SNTB1: variants seen among roughly 807,000 people sequenced by gnomAD.
The protein encoded by SNTB1 is syntrophin beta 1, also known as beta-1-syntrophin.
Under a neutral mutation model 48.9 loss-of-function variants are expected in SNTB1, and 36 were observed. That is an observed-to-expected ratio of 0.74 (90% CI 0.56 to 0.97). SNTB1 has a LOEUF of 0.97. Ranked by LOEUF, SNTB1 falls within the 50% of genes least tolerant of loss-of-function variation. SNTB1 has a pLI of 0.00. For missense variants in SNTB1, 786 were observed against 703.4 expected (o/e 1.12, Z -1.33); for synonymous variants, 299 against 294.6 (o/e 1.01, Z -0.15).
At chr8:120,748,038 G>T (rs1819155927) in intron 1 of SNTB1, among the ~76,000 whole-genome samples, 1 of 152,116 alleles carries the variant, frequency 6.6e-6, no homozygotes, top group African/African-American at 2.4e-5. Flanking sequence ...GCTCTTGAAT[G>T]GACTTGTTTG....
At chr8:120,766,675 C>T (rs1007429710) in intron 1 of SNTB1, among the ~76,000 whole-genome samples, 2 of 152,080 alleles carry the variant, frequency 1.3e-5, no homozygotes, top group Admixed American at 6.6e-5. Flanking sequence ...AGATGTTAAC[C>T]TACAAAATAC....
chr8:120,687,816 A>G (rs1818058181), intron 2 of SNTB1, among the ~76,000 whole-genome samples: 1 of 152,160 alleles, frequency 6.6e-6, no homozygotes, highest in Admixed American at 6.5e-5. Flanking sequence ...CTACTTGACA[A>G]CTGTGTTGCT....
rs543862812 is a variant in SNTB1 at position 120,786,192 on chromosome 8, G to C, written c.571+25081C>G. On this transcript the variant is annotated intron_variant, in intron 1 of 6. Transcript: ENST00000517992. Reference sequence around the variant, plus strand: ...CCACTGGGTGGCTAGACTAAGAGGAGCAGAGGGATTTCCAGTAGTCTGGCC... The same window carrying C: ...CCACTGGGTGGCTAGACTAAGAGGACCAGAGGGATTTCCAGTAGTCTGGCC... Among the ~76,000 whole-genome samples, 7 of 152,322 alleles carry C rather than the reference G, an allele frequency of 4.6e-5. No homozygotes were observed. In the South Asian group the frequency reaches 1.4e-3, roughly 32 times the overall value.
At chr8:120,703,966 G>T (rs895307634) in intron 1 of SNTB1, among the ~76,000 whole-genome samples, 4 of 152,188 alleles carry the variant, frequency 2.6e-5, no homozygotes, top group Non-Finnish European at 5.9e-5. Flanking sequence ...GAAGTGACTT[G>T]CCCACAGTCA....
chr8:120,731,234 T>C (rs1438718572), intron 1 of SNTB1, among the ~76,000 whole-genome samples: 1 of 152,194 alleles, frequency 6.6e-6, no homozygotes, highest in Non-Finnish European at 1.5e-5. Flanking sequence ...CAAGTTAAAT[T>C]ATACCCTGCC....
intron 2 of SNTB1, among the ~76,000 whole-genome samples, chr8:120,670,886 A>T (rs1817747221): frequency 6.6e-6 from 1 of 152,210 alleles, no homozygotes; most frequent in African/African-American, 2.4e-5. Flanking sequence ...TGTTACTACC[A>T]TTCTATGAAT....
At chr8:120,539,443 A>G (rs537818694) in intron 6 of SNTB1, among the ~76,000 whole-genome samples, 2 of 152,336 alleles carry the variant, frequency 1.3e-5, no homozygotes, top group Non-Finnish European at 2.9e-5. Flanking sequence ...TAAAGGAGCT[A>G]CTATATGTAA....
rs552904227 is a variant in SNTB1, at chr8:120,590,920, C to T, written c.997-15695G>A. On this transcript the variant is annotated intron_variant, in intron 3 of 6. Transcript: ENST00000517992. ...CAGGCTGGTCTTGAACTCCTGACCT[C>T]GTGATCCGCCGGCCTCGGCCTCCCA... Among the ~76,000 whole-genome samples the T allele has an allele frequency of 8.2e-4, 124 of 152,112 alleles. 1 individual carries two copies. The highest frequency in any genetic ancestry group is 2.7e-3 in the African/African-American group (111 of 41,510).
At chr8:120,581,168 A>G (rs1816043904) in intron 3 of SNTB1, among the ~76,000 whole-genome samples, 1 of 152,068 alleles carries the variant, frequency 6.6e-6, no homozygotes, top group Non-Finnish European at 1.5e-5. Flanking sequence ...GAAAAGGAAG[A>G]AAAGGCAAAG....
chr8:120,646,450 T>C (rs1817298993), intron 2 of SNTB1, among the ~76,000 whole-genome samples: 3 of 150,784 alleles, frequency 2.0e-5, no homozygotes, highest in Non-Finnish European at 4.4e-5. Flanking sequence ...TGGCTCTGTT[T>C]AAATGCTGGA....
intron 1 of SNTB1, among the ~76,000 whole-genome samples, chr8:120,779,569 G>A (rs574059228): frequency 6.6e-6 from 1 of 152,200 alleles, no homozygotes; most frequent in South Asian, 2.1e-4. Context: ...TGATGACTGA[G>A]AGCCCAACTG....
Position 120,623,499 on chromosome 8 carries a change from T to G in SNTB1, c.996+8945A>C, listed in dbSNP as rs906326536. On this transcript the variant is annotated intron_variant, in intron 3 of 6. Transcript: ENST00000517992. ...ACCAGGGCACACCTCATCCTCCTATTACTGCAAAATATGCTTCCCAGTGCT... is the reference window on the plus strand; with the variant it reads ...ACCAGGGCACACCTCATCCTCCTATGACTGCAAAATATGCTTCCCAGTGCT... 2.0e-5 allele frequency among the ~76,000 whole-genome samples: 3 copies of G among 152,240 alleles called. No homozygotes were observed. In the East Asian group the frequency reaches 5.8e-4, roughly 29 times the overall value.
intron 2 of SNTB1, among the ~76,000 whole-genome samples, chr8:120,682,621 G>C (rs1348099414): frequency 1.3e-5 from 2 of 152,112 alleles, no homozygotes; most frequent in East Asian, 3.9e-4. Context: ...ACCTCTTTTT[G>C]TATGTATACC....
chr8:120,684,210 C>T (rs1221140633), intron 2 of SNTB1, among the ~76,000 whole-genome samples: 1 of 152,118 alleles, frequency 6.6e-6, no homozygotes, highest in Non-Finnish European at 1.5e-5. Context: ...GCCCTTATGA[C>T]CTAATCATCT....
chr8:120,658,334 C>A (rs951248686), intron 2 of SNTB1, among the ~76,000 whole-genome samples: 1 of 152,122 alleles, frequency 6.6e-6, no homozygotes, highest in African/African-American at 2.4e-5. Flanking sequence ...TAAAGAGAAT[C>A]TATCACATAA....
At chr8:120,653,381 A>G (rs1817440544) in intron 2 of SNTB1, among the ~76,000 whole-genome samples, 1 of 152,196 alleles carries the variant, frequency 6.6e-6, no homozygotes, top group African/African-American at 2.4e-5. Flanking sequence ...GCTGCAAGAC[A>G]GGGAATGCCA....
chr8:120,536,183 T>G lies in SNTB1; in HGVS notation c.*2694A>C, dbSNP rs564368817. 6.6e-6 allele frequency: 1 copy of G among 152,332 alleles called. No homozygotes were observed. Among genetic ancestry groups the G allele is most frequent in the Non-Finnish European group, 1.5e-5 (1 of 68,030 alleles). 9.4% of individuals were successfully genotyped at this position (152,332 alleles called of 1,614,324 possible). ...CTTCTTTAAATCCCTATGAGATGGC[T>G]TAAAAGGATGTCACTGCACCAGAGG... is the stretch of plus-strand genomic sequence containing the variant. On this transcript the variant is annotated 3_prime_UTR_variant, in exon 7 of 7. Coordinates refer to ENST00000517992, the MANE Select transcript of SNTB1 (RefSeq NM_021021.4).
intron 4 of SNTB1, among the ~76,000 whole-genome samples, chr8:120,564,115 A>C (rs542511541): frequency 2.2e-4 from 33 of 151,060 alleles, no homozygotes; most frequent in African/African-American, 7.0e-4. Context: ...TCTCAAACAA[A>C]AAAAAAAAAA....
Position 120,541,969 on chromosome 8 carries a change from C to G in SNTB1, c.1365G>C (p.Leu455Phe). Reference protein sequence around the residue: ...ACTYKNQECRLTIHYENGFSI... With the variant: ...ACTYKNQECRFTIHYENGFSI... ...AAAATCCATTCTCATAATGTATGGT[C>G]AAACGGCACTCCTGGTTTTTGTAGG... is the stretch of plus-strand genomic sequence containing the variant. The change falls in exon 6 of 7, where the codon TTG becomes TTC. Residue 455 changes from leucine (L) to phenylalanine (F), a missense_variant. Leu to Phe is a conservative substitution (Grantham distance 22). Coordinates refer to ENST00000517992, the MANE Select transcript of SNTB1 (RefSeq NM_021021.4). 2 of 1,613,754 alleles carry G rather than the reference C, an allele frequency of 1.2e-6. No homozygotes were observed. The highest frequency in any genetic ancestry group is 1.7e-6 in the Non-Finnish European group (2 of 1,179,874).
Sources: allele counts gnomAD v4.1 joint callset (sites outside exome capture counted in the v4.1 genomes callset), GRCh38; gene constraint gnomAD v4.1.1; transcripts MANE v1.5; gene names NCBI Gene and HGNC (gene_info 2026-07-23, HGNC 2026-07-21).